The following GRM1 variants were observed in gnomAD, a reference collection of about 807,000 sequenced individuals.
GRM1 encodes the protein glutamate metabotropic receptor 1, also known as metabotropic glutamate receptor 1.
GRM1 carries 33 observed loss-of-function variants against 90.9 expected under a neutral mutation model. The observed-to-expected ratio is 0.36, with a 90% CI of 0.28 to 0.49. The LOEUF (loss-of-function observed/expected upper bound fraction) is 0.49. Among genes scored for constraint, GRM1 ranks in the 20% least tolerant of loss-of-function variants. The pLI is 0.99. For synonymous variants in GRM1, 700 were observed against 613.2 expected, an observed-to-expected ratio of 1.14 and a Z score of -2.09; for missense variants, 1,190 against 1,534.3, an observed-to-expected ratio of 0.78 and a Z score of 3.75.
At chr6:146,188,390 C>T (rs372764331) in intron 2 of GRM1, among the ~76,000 whole-genome samples, 116 of 152,254 alleles carry the variant, frequency 7.6e-4, no homozygotes, top group African/African-American at 2.7e-3. Context: ...ACAGATGTTA[C>T]AATCATTGCT....
chr6:146,133,488 C>T (rs1776485003), intron 1 of GRM1, among the ~76,000 whole-genome samples: 1 of 152,112 alleles, frequency 6.6e-6, no homozygotes, highest in African/African-American at 2.4e-5. Flanking sequence ...CATTCTGGTT[C>T]TTTGTGAACT....
chr6:146,195,761 G>C (rs901974254), intron 2 of GRM1, among the ~76,000 whole-genome samples: 1 of 152,198 alleles, frequency 6.6e-6, no homozygotes. Context: ...ATAAAGAAAG[G>C]CGATAGAGAG....
intron 1 of GRM1, among the ~76,000 whole-genome samples, chr6:146,137,213 T>C (rs917711402): frequency 1.3e-5 from 2 of 152,192 alleles, no homozygotes; most frequent in African/African-American, 4.8e-5. Context: ...TGCCTATTCT[T>C]GTGGAGTATA....
intron 1 of GRM1, among the ~76,000 whole-genome samples, chr6:146,110,294 T>C (rs976119192): frequency 6.6e-6 from 1 of 152,132 alleles, no homozygotes; most frequent in African/African-American, 2.4e-5. Flanking sequence ...GGGTGGGTCT[T>C]TCCCATGCTG....
At chr6:146,229,964 A>G (rs111917438) in intron 2 of GRM1, among the ~76,000 whole-genome samples, 31 of 152,302 alleles carry the variant, frequency 2.0e-4, no homozygotes, top group African/African-American at 7.0e-4. Context: ...ACAACTATGT[A>G]TACTTTCTGT....
intron 2 of GRM1, among the ~76,000 whole-genome samples, chr6:146,220,734 T>C (rs1323397817): frequency 6.6e-6 from 1 of 151,964 alleles, no homozygotes. Context: ...CCTGTCCTCA[T>C]AGAGTTACAG....
chr6:146,109,358 T>A (rs1390259716), intron 1 of GRM1, among the ~76,000 whole-genome samples: 2 of 152,178 alleles, frequency 1.3e-5, no homozygotes, highest in African/African-American at 4.8e-5. Flanking sequence ...AAGGCACAGC[T>A]TGGGCTGTGG....
At chr6:146,315,183 C>T (rs1431931614) in intron 3 of GRM1, among the ~76,000 whole-genome samples, 1 of 152,112 alleles carries the variant, frequency 6.6e-6, no homozygotes, top group Admixed American at 6.6e-5. Flanking sequence ...GACCCTGTCT[C>T]TCCAAAAAGT....
At chr6:146,381,994 A>C (rs1776334705) in intron 5 of GRM1, among the ~76,000 whole-genome samples, 2 of 152,200 alleles carry the variant, frequency 1.3e-5, no homozygotes, top group Non-Finnish European at 2.9e-5. Context: ...AAAGTGAATC[A>C]TAACATTGTG....
chr6:146,032,030 T>C (rs1159725462), intron 1 of GRM1, among the ~76,000 whole-genome samples: 1 of 152,182 alleles, frequency 6.6e-6, no homozygotes, highest in Non-Finnish European at 1.5e-5. Flanking sequence ...ATTGTTTTAT[T>C]TGGTGAGAGG....
chr6:146,074,707 G>A (rs1438998097), intron 1 of GRM1, among the ~76,000 whole-genome samples: 1 of 152,004 alleles, frequency 6.6e-6, no homozygotes, highest in South Asian at 2.1e-4. Flanking sequence ...GGCCCCTTTT[G>A]CTTTTGGCTG....
chr6:146,315,412 G>T lies in GRM1; in HGVS notation c.1186+10566G>T, dbSNP rs1783932706. ...TTAAAAATAAAAGTAAAAAAGAAAT[G>T]CCAGTGAATTGAATCCTTAGAGATG... On this transcript the variant is annotated intron_variant, in intron 3 of 7. Transcript: ENST00000282753. Among the ~76,000 whole-genome samples, 3 of 152,026 alleles carry T rather than the reference G, an allele frequency of 2.0e-5. No individual in the cohort carries two copies. The South Asian group carries it at 6.2e-4, about 32-fold the overall frequency.
At chr6:146,101,886 T>G (rs2128870726) in intron 1 of GRM1, among the ~76,000 whole-genome samples, 1 of 150,568 alleles carries the variant, frequency 6.6e-6, no homozygotes, top group African/African-American at 2.4e-5. Flanking sequence ...TTAATAATAA[T>G]ATGAGTGATA....
At chr6:146,206,343 T>C (rs1346556611) in intron 2 of GRM1, among the ~76,000 whole-genome samples, 2 of 152,130 alleles carry the variant, frequency 1.3e-5, no homozygotes, top group South Asian at 2.1e-4. Flanking sequence ...TGCTAGATGC[T>C]CCCATGAGAG....
At chr6:146,407,132 A>G (rs1244568939) in intron 7 of GRM1, among the ~76,000 whole-genome samples, 2 of 152,186 alleles carry the variant, frequency 1.3e-5, no homozygotes, top group African/African-American at 4.8e-5. Flanking sequence ...GGCCCTTAGA[A>G]TACTTTAGAA....
intron 1 of GRM1, among the ~76,000 whole-genome samples, chr6:146,092,725 T>C (rs1776754438): frequency 6.6e-6 from 1 of 152,094 alleles, no homozygotes; most frequent in East Asian, 1.9e-4. Context: ...GCTGGAAGCC[T>C]GGCCCCTGCT....
At chr6:146,117,157 TA>T (rs538283883) in intron 1 of GRM1, among the ~76,000 whole-genome samples, 13 of 151,298 alleles carry the variant, frequency 8.6e-5, no homozygotes, top group Admixed American at 1.3e-4. Context: ...TTTATTTATT[TA>T]TTTTTTTTTT....
chr6:146,386,792 T>C lies in GRM1; in HGVS notation c.1603-98T>C, dbSNP rs1419735611. On this transcript the variant is annotated intron_variant, in intron 5 of 7. Coordinates refer to ENST00000282753, the MANE Select transcript of GRM1 (RefSeq NM_001278064.2). ...ATAAGATTATTTTCATAGTTAGTCTTTTTTTCTTTATTCATAATCTGAAAA... is the reference window on the plus strand; with the variant it reads ...ATAAGATTATTTTCATAGTTAGTCTCTTTTTCTTTATTCATAATCTGAAAA... 1.2e-5 allele frequency: 11 copies of C among 903,214 alleles called. No homozygotes were observed. In the Admixed American group the frequency reaches 1.4e-4, roughly 11 times the overall value. The allele number at this position is 903,214 out of a possible 1,614,324, so 55.9% of individuals were successfully genotyped here. A position where few individuals can be genotyped will look rare whatever the true frequency, so the allele number is the denominator to read the frequency against.
At chr6:146,060,929 T>C (rs142596647) in intron 1 of GRM1, among the ~76,000 whole-genome samples, 85 of 152,250 alleles carry the variant, frequency 5.6e-4, no homozygotes, top group African/African-American at 1.8e-3. Context: ...TTTGACTTTT[T>C]ATAGTAGCCA....
Sources: allele counts gnomAD v4.1 joint callset (sites outside exome capture counted in the v4.1 genomes callset), GRCh38; gene constraint gnomAD v4.1.1; transcripts MANE v1.5; gene names NCBI Gene and HGNC (gene_info 2026-07-23, HGNC 2026-07-21).